RAD54L: variants seen among roughly 807,000 people sequenced by gnomAD.
RAD54L encodes the protein RAD54 like.
In RAD54L, 74 loss-of-function variants were observed where a neutral mutation model predicts 91.6. The ratio of observed to expected loss-of-function variants is 0.81; its 90% CI spans 0.67 to 0.98. The LOEUF (loss-of-function observed/expected upper bound fraction) is 0.98, where lower values mean the gene tolerates loss of function less well. Ranked by LOEUF, RAD54L falls within the 50% of genes least tolerant of loss-of-function variation. The pLI is 0.00. For synonymous variants in RAD54L, 304 were observed against 349.7 expected, an observed-to-expected ratio of 0.87 and a Z score of 1.46; for missense variants, 887 against 945.7, an observed-to-expected ratio of 0.94 and a Z score of 0.81.
At chr1:46,257,393 A>G (rs1343293631) in intron 3 of RAD54L, among the ~76,000 whole-genome samples, 1 of 151,932 alleles carries the variant, frequency 6.6e-6, no homozygotes, top group African/African-American at 2.4e-5. Context: ...CTTGGCTTCC[A>G]CCTCTGGTTT....
chr1:46,269,794 T>C (rs1412593196), intron 9 of RAD54L, among the ~76,000 whole-genome samples: 2 of 152,180 alleles, frequency 1.3e-5, no homozygotes, highest in Non-Finnish European at 2.9e-5. Flanking sequence ...TCAACTTGTT[T>C]AGGTCATCTT....
chr1:46,270,628 T>G, intron 9 of RAD54L, 31 bp from the exon 10 acceptor site: 1 of 1,613,358 alleles, frequency 6.2e-7, no homozygotes, highest in African/African-American at 1.3e-5. Context: ...CTTTTCCACA[T>G]TCTTCTGTTT....
chr1:46,264,967 G>A (rs758416509), intron 8 of RAD54L, among the ~76,000 whole-genome samples: 2 of 152,172 alleles, frequency 1.3e-5, no homozygotes, highest in Admixed American at 6.5e-5. Context: ...TCATTCGCTG[G>A]GTTATTTATT....
At position 46,278,153 on chromosome 1, in the gene RAD54L, GTGGA is replaced by G; in HGVS notation, c.2116_2119del (p.Trp706ThrfsTer49). The G allele has an allele frequency of 6.2e-7, 1 of 1,613,816 alleles. No individual in the cohort carries two copies. Among genetic ancestry groups the G allele is most frequent in the Non-Finnish European group, 8.5e-7 (1 of 1,179,862 alleles). On this transcript the variant is annotated frameshift_variant, in exon 18 of 18. Coordinates refer to ENST00000371975, the MANE Select transcript of RAD54L (RefSeq NM_003579.4). LOFTEE classifies it high-confidence loss of function. ...CTGACTGCACTTCAGACCTGGCAGGGTGGAACCACTGCACTGATAAGTGGGGGCT... is the reference window on the plus strand; with the variant it reads ...CTGACTGCACTTCAGACCTGGCAGGGACCACTGCACTGATAAGTGGGGGCT...
In RAD54L at chr1:46,250,053, G is replaced by A. The variant is rs114069917; in HGVS notation, c.144G>A (p.Leu48=). ...AGACCCAGATCCAGGAGTGTTTCCT[G>A]TCTCCTTTTCGGAAACCTTTGAGTC... ...SSETQIQECF[L]SPFRKPLSQL... Residue 48 remains leucine, a synonymous_variant, in exon 3 of 18, where the codon CTG becomes CTA. Coordinates refer to ENST00000371975, the MANE Select transcript of RAD54L (RefSeq NM_003579.4). The A allele has an allele frequency of 1.9e-6, 3 of 1,614,064 alleles. No individual in the cohort carries two copies. In the Admixed American group the frequency reaches 5.0e-5, roughly 27 times the overall value.
chr1:46,274,098 A>AT (rs749605010), intron 14 of RAD54L, 40 bp from the exon 15 acceptor site: 18 of 1,556,522 alleles, frequency 1.2e-5, no homozygotes, highest in Non-Finnish European at 1.5e-5. Context: ...CCCCCTAATC[A>AT]TTGAAGCTTT....
Position 46,260,086 on chromosome 1 carries a change from C to T in RAD54L, c.394C>T (p.Leu132=), listed in dbSNP as rs1660066082. 6.2e-7 allele frequency: 1 copy of T among 1,614,216 alleles called. No homozygotes were observed. The highest frequency in any genetic ancestry group is 8.5e-7 in the Non-Finnish European group (1 of 1,180,050). ...TCCCCCGCTGAGCGCTCATGACCAGCTGAAGCTTGACAAGTATGTGCACTG... is the reference window on the plus strand; with the variant it reads ...TCCCCCGCTGAGCGCTCATGACCAGTTGAAGCTTGACAAGTATGTGCACTG... ...EPPPLSAHDQ[L]KLDKEKLPVH... is the part of the protein sequence containing the mutation. Residue 132 remains leucine (L), a synonymous_variant, in exon 5 of 18, where the codon CTG becomes TTG. Coordinates refer to ENST00000371975, the MANE Select transcript of RAD54L (RefSeq NM_003579.4).
chr1:46,270,593 A>G, intron 9 of RAD54L, 66 bp from the exon 10 acceptor site: 4 of 1,603,626 alleles, frequency 2.5e-6, no homozygotes, highest in African/African-American at 2.7e-5. Flanking sequence ...GTAGTCTGCC[A>G]TCACTAGCTG....
At chr1:46,274,276 T>C (rs761521259) in intron 15 of RAD54L, 60 bp downstream of exon 15, 19 of 1,530,544 alleles carry the variant, frequency 1.2e-5, no homozygotes, top group Admixed American at 1.0e-4. Flanking sequence ...TAAGGAATGA[T>C]AGAGAAGCTA....
Position 46,272,541 on chromosome 1 carries a change from G to T in RAD54L, c.1244+1G>T. ...AGATTGAGCAGGTCGTTTGTTGTAG[G>T]TACTGAACTCAACTGAAAGATGTGG... On this transcript the variant is annotated splice_donor_variant, in intron 11 of 17. Coordinates refer to ENST00000371975, the MANE Select transcript of RAD54L (RefSeq NM_003579.4). LOFTEE classifies it high-confidence loss of function. The T allele has an allele frequency of 6.2e-7, 1 of 1,611,200 alleles. No individual in the cohort carries two copies. Among genetic ancestry groups the T allele is most frequent in the African/African-American group, 1.3e-5 (1 of 74,942 alleles).
intron 3 of RAD54L, among the ~76,000 whole-genome samples, chr1:46,252,305 G>T (rs1053479057): frequency 6.6e-6 from 1 of 152,142 alleles, no homozygotes; most frequent in African/African-American, 2.4e-5. Context: ...CTGGACTAAG[G>T]TCACTGAAGA....
intron 8 of RAD54L, among the ~76,000 whole-genome samples, chr1:46,262,197 C>T (rs1486276981): frequency 3.3e-5 from 5 of 151,724 alleles, no homozygotes; most frequent in South Asian, 2.1e-4. Flanking sequence ...GCGGATCATG[C>T]GGTCAGGAGT....
chr1:46,248,505 T>G lies in RAD54L; in HGVS notation c.4-7T>G, dbSNP rs1659711607. On this transcript the variant is annotated splice_region_variant and splice_polypyrimidine_tract_variant and intron_variant, in intron 1 of 17. Transcript: ENST00000371975. Reference sequence around the variant, plus strand: ...TTGCAGGCACTGTTTCTGTTCTCCCTTTACAGAGGAGGAGCTTGGCTCCCA... The same window carrying G: ...TTGCAGGCACTGTTTCTGTTCTCCCGTTACAGAGGAGGAGCTTGGCTCCCA... 2 of 1,614,034 alleles carry G rather than the reference T, an allele frequency of 1.2e-6. No homozygotes were observed. The highest frequency in any genetic ancestry group is 2.2e-5 in the East Asian group (1 of 44,866).
intron 3 of RAD54L, among the ~76,000 whole-genome samples, chr1:46,257,428 G>C (rs1407326263): frequency 6.6e-6 from 1 of 152,172 alleles, no homozygotes; most frequent in Non-Finnish European, 1.5e-5. Context: ...GGCTATCACA[G>C]TTCCGCAAAG....
chr1:46,264,430 T>G (rs1284571952), intron 8 of RAD54L, among the ~76,000 whole-genome samples: 1 of 152,248 alleles, frequency 6.6e-6, no homozygotes, highest in Non-Finnish European at 1.5e-5. Context: ...TCATAATAAC[T>G]TCTATGTACA....
rs139448277 is a variant in RAD54L at position 46,260,764 on chromosome 1, G to A, written c.515G>A (p.Arg172His). The A allele has an allele frequency of 8.4e-5, 135 of 1,614,088 alleles. No homozygotes were observed. Among genetic ancestry groups the A allele is most frequent in the African/African-American group, 3.3e-4 (25 of 74,932 alleles). ...CTGTGGGAGTGTGTCACCAGTCGGCGCATCCCTGGCAGCCATGGCTGCATC... is the reference window on the plus strand; with the variant it reads ...CTGTGGGAGTGTGTCACCAGTCGGCACATCCCTGGCAGCCATGGCTGCATC... ...KFLWECVTSR[R>H]IPGSHGCIMA... Residue 172 changes from arginine (R) to histidine (H), a missense_variant, in exon 7 of 18, where the codon CGC becomes CAC. Arg to His is a conservative substitution (Grantham distance 29, BLOSUM62 0). Transcript: ENST00000371975.
At chr1:46,274,240 C>T in intron 15 of RAD54L, 24 bp downstream of exon 15, 1 of 1,578,664 alleles carries the variant, frequency 6.3e-7, no homozygotes, top group Non-Finnish European at 8.7e-7. Flanking sequence ...CCCGTCCCCA[C>T]ACCACCAATG....
chr1:46,274,265 T>G (rs1232073125), intron 15 of RAD54L, 49 bp downstream of exon 15: 13 of 1,546,350 alleles, frequency 8.4e-6, no homozygotes, highest in African/African-American at 2.7e-5. Context: ...ATCATCAGAA[T>G]TAAGGAATGA....
Position 46,278,447 on chromosome 1 carries a change from A to T in RAD54L, c.*165A>T, listed in dbSNP as rs1660690922. On this transcript the variant is annotated 3_prime_UTR_variant, in exon 18 of 18. Transcript: ENST00000371975. ...TTATAAGAAAAACTTTTTTGGTTAA[A>T]AAAAAGAATAAAGGTATGAAAGGGT... The T allele has an allele frequency of 1.2e-6, 1 of 860,928 alleles. No individual in the cohort carries two copies. The highest frequency in any genetic ancestry group is 2.4e-5 in the Admixed American group (1 of 42,544). 53.3% of individuals were successfully genotyped at this position (860,928 alleles called of 1,614,324 possible). A position where few individuals can be genotyped will look rare whatever the true frequency, so the allele number is the denominator to read the frequency against.
Sources: allele counts gnomAD v4.1 joint callset (sites outside exome capture counted in the v4.1 genomes callset), GRCh38; gene constraint gnomAD v4.1.1; transcripts MANE v1.5; gene names NCBI Gene and HGNC (gene_info 2026-07-23, HGNC 2026-07-21).